TNIP3: variants seen among roughly 807,000 people sequenced by gnomAD.
TNIP3 encodes the protein TNFAIP3 interacting protein 3.
In TNIP3, 34 loss-of-function variants were observed where a neutral mutation model predicts 54.1. That is an observed-to-expected ratio of 0.63 (90% CI 0.48 to 0.84). TNIP3 has a LOEUF of 0.84. Ranked by LOEUF, TNIP3 falls within the 40% of genes least tolerant of loss-of-function variation. TNIP3 has a pLI of 0.00. For synonymous variants in TNIP3, 134 were observed against 136.8 expected (o/e 0.98, Z 0.14); for missense variants, 366 against 387.6 (o/e 0.94, Z 0.47).
At chr4:121,213,254 T>A (rs1726575846) in intron 2 of TNIP3, among the ~76,000 whole-genome samples, 1 of 152,154 alleles carries the variant, frequency 6.6e-6, no homozygotes, top group Admixed American at 6.5e-5. Context: ...TAATATTAGG[T>A]TGAATGACTG....
In TNIP3 at chr4:121,134,584, C is replaced by T. The variant is rs766008297; in HGVS notation, c.947-1922G>A. On this transcript the variant is annotated intron_variant, in intron 10 of 10. Transcript: ENST00000057513. ...AAGTCTCAAATGACTTGAAAACATT[C>T]GAAACCCTTCATTTAAAATCTTTAG... is the stretch of plus-strand genomic sequence containing the variant. Among the ~76,000 whole-genome samples the T allele has an allele frequency of 7.9e-5, 12 of 152,146 alleles. 1 individual carries two copies. Among genetic ancestry groups the T allele is most frequent in the Admixed American group, 2.0e-4 (3 of 15,268 alleles).
chr4:121,169,544 CTG>C (rs1485584126), intron 3 of TNIP3, among the ~76,000 whole-genome samples: 1 of 152,168 alleles, frequency 6.6e-6, no homozygotes, highest in Non-Finnish European at 1.5e-5. Flanking sequence ...TGTGTTCACT[CTG>C]TGTTTCTCGA....
At chr4:121,163,009 T>G (rs897634965) in intron 1 of TNIP3, among the ~76,000 whole-genome samples, 4 of 151,426 alleles carry the variant, frequency 2.6e-5, no homozygotes, top group Non-Finnish European at 5.9e-5. Context: ...TGGAAGAAAA[T>G]TATAATACAT....
At chr4:121,187,690 A>G (rs577531290) in intron 2 of TNIP3, among the ~76,000 whole-genome samples, 66 of 152,238 alleles carry the variant, frequency 4.3e-4, no homozygotes, top group Non-Finnish European at 8.8e-4. Flanking sequence ...ATGTTCAGAG[A>G]GGCTTGGGAG....
intron 1 of TNIP3, among the ~76,000 whole-genome samples, chr4:121,225,043 T>G (rs1727200515): frequency 6.6e-6 from 1 of 152,192 alleles, no homozygotes; most frequent in Non-Finnish European, 1.5e-5. Context: ...AATTGAAAAC[T>G]GAGAAAGGGA....
At chr4:121,213,604 G>A (rs1162093194) in intron 2 of TNIP3, among the ~76,000 whole-genome samples, 1 of 151,762 alleles carries the variant, frequency 6.6e-6, no homozygotes, top group Non-Finnish European at 1.5e-5. Context: ...GCGGGCGCCT[G>A]TAGTCCCAGC....
intron 3 of TNIP3, among the ~76,000 whole-genome samples, chr4:121,174,468 A>T (rs1190028711): frequency 6.6e-6 from 1 of 152,106 alleles, no homozygotes. Flanking sequence ...TATAAAGATG[A>T]TGTAGGTATA....
chr4:121,145,859 A>T (rs980923358), intron 7 of TNIP3, among the ~76,000 whole-genome samples: 1 of 151,756 alleles, frequency 6.6e-6, no homozygotes, highest in Admixed American at 6.6e-5. Flanking sequence ...ATACAAAAAA[A>T]TTAGCTACTT....
chr4:121,196,483 T>G (rs1725591830), intron 2 of TNIP3, among the ~76,000 whole-genome samples: 1 of 152,184 alleles, frequency 6.6e-6, no homozygotes, highest in Admixed American at 6.5e-5. Flanking sequence ...CAATTTTGTG[T>G]GGTTGACTAT....
intron 5 of TNIP3, among the ~76,000 whole-genome samples, chr4:121,152,333 C>G (rs924964867): frequency 3.3e-5 from 5 of 152,048 alleles, no homozygotes; most frequent in African/African-American, 1.2e-4. Context: ...CATTAGGTAC[C>G]AAAACCCATC....
Position 121,158,672 on chromosome 4 carries a change from G to A in TNIP3, c.213+15C>T. The A allele has an allele frequency of 6.3e-7, 1 of 1,585,256 alleles. No homozygotes were observed. Reference sequence around the variant, plus strand: ...ATGGCTTTAAAGAAAATACCGAATAGAGAGAGGTATTTACCTTTCTTTCAT... The same window carrying A: ...ATGGCTTTAAAGAAAATACCGAATAAAGAGAGGTATTTACCTTTCTTTCAT... On this transcript the variant is annotated intron_variant, in intron 3 of 10. Coordinates refer to ENST00000057513, the MANE Select transcript of TNIP3 (RefSeq NM_024873.6).
chr4:121,166,709 A>G (rs1170003314), upstream of TNIP3, among the ~76,000 whole-genome samples: 1 of 152,230 alleles, frequency 6.6e-6, no homozygotes, highest in Admixed American at 6.5e-5. Flanking sequence ...GGAGAGTACT[A>G]TATTTCTATA....
intron 1 of TNIP3, among the ~76,000 whole-genome samples, chr4:121,222,804 GT>G (rs138758827): frequency 0.034 from 3,552 of 105,644 alleles, 88 homozygotes; most frequent in African/African-American, 0.12. Context: ...TTTTTTGTGC[GT>G]TTTTTTTTTT....
At position 121,164,170 on chromosome 4, in the gene TNIP3, G is replaced by A. The variant is rs1453037232; in HGVS notation, c.-45C>T. 1 of 1,612,956 alleles carries A rather than the reference G, an allele frequency of 6.2e-7. No individual in the cohort carries two copies. Among genetic ancestry groups the A allele is most frequent in the East Asian group, 2.2e-5 (1 of 44,848 alleles). ...GTCTTGGAAAGCAGAAAGAAAAACA[G>A]GGGAAAAGTCTCTTAAGGTATATTT... On this transcript the variant is annotated 5_prime_UTR_variant, in exon 1 of 11. Transcript: ENST00000057513.
Position 121,161,137 on chromosome 4 carries a change from T to C in TNIP3, c.146A>G (p.Glu49Gly). The change falls in exon 2 of 11, where the codon GAG becomes GGG. Residue 49 changes from glutamate (E) to glycine (G), a missense_variant and splice_region_variant. Coordinates refer to ENST00000057513, the MANE Select transcript of TNIP3 (RefSeq NM_024873.6). ...CTTTAGCGAATATTTCTAAGTTACC[T>C]CTTTTCTTTGTTTTTCCAAACACCT... ...KIRCLEKQRK[E>G]LLEVNQQWDQ... The C allele has an allele frequency of 6.3e-7, 1 of 1,576,580 alleles. No homozygotes were observed. The highest frequency in any genetic ancestry group is 1.1e-5 in the South Asian group (1 of 87,208).
At chr4:121,182,884 G>A in intron 2 of TNIP3, 1 of 1,340,340 alleles carries the variant, frequency 7.5e-7, no homozygotes. Flanking sequence ...TGACATGGAG[G>A]TGTTATTTAT....
intron 3 of TNIP3, 190 bp from the exon 4 acceptor site, chr4:121,157,433 C>G: frequency 1.5e-6 from 1 of 679,316 alleles, no homozygotes; most frequent in East Asian, 2.7e-5. Flanking sequence ...TGGCCTTGCA[C>G]CAAAACAGCC....
chr4:121,164,411 T>C (rs927346245), upstream of TNIP3: 4 of 1,099,980 alleles, frequency 3.6e-6, no homozygotes, highest in African/African-American at 1.6e-5. Context: ...AGGCCGTGAC[T>C]AAGACCTGGG....
intron 2 of TNIP3, among the ~76,000 whole-genome samples, chr4:121,198,975 A>G (rs1725740776): frequency 6.6e-6 from 1 of 152,208 alleles, no homozygotes; most frequent in Non-Finnish European, 1.5e-5. Context: ...GACATCTTTG[A>G]AAAGGGTATA....
Sources: gnomAD v4.1 joint callset for allele counts (sites outside exome capture counted in the v4.1 genomes callset) on GRCh38, gnomAD v4.1.1 for gene constraint, MANE v1.5 for transcripts, NCBI Gene and HGNC (gene_info 2026-07-23, HGNC 2026-07-21) for gene names.